Variants in RAPGEF4 observed in about 807,000 individuals in gnomAD.
RAPGEF4 encodes RAP guanine-nucleotide-exchange factor (GEF) 4.
In RAPGEF4, 66 loss-of-function variants were observed where a neutral mutation model predicts 147.9. That is an observed-to-expected ratio of 0.45 (90% confidence interval 0.37 to 0.55). The LOEUF (loss-of-function observed/expected upper bound fraction) is 0.55. Among genes scored for constraint, RAPGEF4 ranks in the 20% least tolerant of loss-of-function variants. The pLI, the probability that RAPGEF4 is intolerant of heterozygous loss-of-function variation, is 0.00. For synonymous variants in RAPGEF4, 419 were observed against 442.7 expected, an observed-to-expected ratio of 0.95 and a Z score of 0.67; for missense variants, 1,071 against 1,257.3, an observed-to-expected ratio of 0.85 and a Z score of 2.24.
At position 173,018,726 on chromosome 2, in the gene RAPGEF4, G is replaced by A. The variant is rs1288338283; in HGVS notation, c.2079G>A (p.Lys693=). 3.1e-6 allele frequency: 5 copies of A among 1,614,136 alleles called. No homozygotes were observed. The highest frequency in any genetic ancestry group is 4.5e-5 in the East Asian group (2 of 44,870). Residue 693 remains lysine, a synonymous_variant, in exon 22 of 31, where the codon AAG becomes AAA. Transcript: ENST00000397081. The part of the protein sequence containing the change: ...TIRVPVATSV[K]EVISAVADKL... ...GGGTGCCAGTGGCCACTTCGGTGAAGGAAGTCATCAGTGCAGTTGCCGACA... is the reference window on the plus strand; with the variant it reads ...GGGTGCCAGTGGCCACTTCGGTGAAAGAAGTCATCAGTGCAGTTGCCGACA...
In RAPGEF4 at chr2:172,988,250, T is replaced by C; in HGVS notation, c.1205T>C (p.Val402Ala). 1 of 1,612,100 alleles carries C rather than the reference T, an allele frequency of 6.2e-7. No individual in the cohort carries two copies. The highest frequency in any genetic ancestry group is 8.5e-7 in the Non-Finnish European group (1 of 1,179,568). Reference protein sequence around the residue: ...TSWYIILKGSVNVVIYGKGVV... With the variant: ...TSWYIILKGSANVVIYGKGVV... ...TGGTACATTATTCTAAAAGGATCAG[T>C]GAATGTAGTCATTTACGGCAAGGTA... The change falls in exon 13 of 31, where the codon GTG (valine) becomes GCG (alanine). Residue 402 changes from valine to alanine, a missense_variant. Physicochemically the swap from Val to Ala is moderately conservative, Grantham distance 64. Transcript: ENST00000397081.
chr2:172,837,219 A>G (rs760671291), intron 4 of RAPGEF4, among the ~76,000 whole-genome samples: 31 of 152,170 alleles, frequency 2.0e-4, no homozygotes, highest in Non-Finnish European at 3.8e-4. Context: ...AATGCTTGCT[A>G]TGGGCTTGTC....
intron 1 of RAPGEF4, among the ~76,000 whole-genome samples, chr2:172,794,726 T>C (rs775910843): frequency 1.3e-5 from 2 of 152,228 alleles, no homozygotes. Flanking sequence ...TTTTCATGTA[T>C]CTTGTGCTTC....
intron 1 of RAPGEF4, among the ~76,000 whole-genome samples, chr2:172,788,978 A>AT (rs1426411480): frequency 1.3e-5 from 2 of 152,172 alleles, no homozygotes; most frequent in Admixed American, 6.5e-5. Context: ...AGCTCACATC[A>AT]TTTTTGGCAG....
intron 4 of RAPGEF4, among the ~76,000 whole-genome samples, chr2:172,866,942 A>G (rs1248309381): frequency 6.6e-6 from 1 of 150,720 alleles, no homozygotes; most frequent in Non-Finnish European, 1.5e-5. Flanking sequence ...TTTCTATCTC[A>G]AAACTGCTCT....
At chr2:172,912,101 T>C (rs533102968) in intron 4 of RAPGEF4, among the ~76,000 whole-genome samples, 6 of 152,328 alleles carry the variant, frequency 3.9e-5, no homozygotes, top group African/African-American at 1.4e-4. Flanking sequence ...TTCTACCTTC[T>C]GAATCATGTT....
At chr2:172,897,159 ACAG>A (rs1158393727) in intron 4 of RAPGEF4, among the ~76,000 whole-genome samples, 4 of 152,232 alleles carry the variant, frequency 2.6e-5, no homozygotes, top group African/African-American at 7.2e-5. Flanking sequence ...TCTTTTTTTA[ACAG>A]CTTCATTGAA....
intron 4 of RAPGEF4, among the ~76,000 whole-genome samples, chr2:172,825,394 T>G (rs1021640507): frequency 1.3e-5 from 2 of 152,250 alleles, no homozygotes; most frequent in Non-Finnish European, 2.9e-5. Context: ...ATTGTAAATT[T>G]GAACAATTCT....
Position 172,965,678 on chromosome 2 carries a change from A to G in RAPGEF4, c.815A>G (p.Asn272Ser), listed in dbSNP as rs1473256229. The G allele has an allele frequency of 6.2e-7, 1 of 1,614,182 alleles. No individual in the cohort carries two copies. Among genetic ancestry groups the G allele is most frequent in the Admixed American group, 1.7e-5 (1 of 60,026 alleles). Residue 272 changes from asparagine (N) to serine (S), a missense_variant, in exon 9 of 31, where the codon AAC (asparagine) becomes AGC (serine). Coordinates refer to ENST00000397081, the MANE Select transcript of RAPGEF4 (RefSeq NM_007023.4). ...WQVLLEDGVL[N>S]HVDQEHHFQD... ...GTCCTGTTAGAAGATGGTGTTCTCA[A>G]CCACGGTAAGATGAGCCCCAGTCCC...
chr2:172,814,498 A>T (rs1322104079), intron 4 of RAPGEF4, 73 bp downstream of exon 4: 1 of 1,518,556 alleles, frequency 6.6e-7, no homozygotes. Flanking sequence ...GGATAATGGC[A>T]TTACAGTCAA....
At chr2:172,904,713 T>C (rs1386126109) in intron 4 of RAPGEF4, among the ~76,000 whole-genome samples, 2 of 152,030 alleles carry the variant, frequency 1.3e-5, no homozygotes, top group South Asian at 2.1e-4. Context: ...TTTAATTTTC[T>C]CTACCCGATA....
intron 4 of RAPGEF4, 122 bp downstream of exon 4, chr2:172,814,547 T>A: frequency 8.0e-7 from 1 of 1,245,712 alleles, no homozygotes; most frequent in Non-Finnish European, 1.1e-6. Context: ...AGATGGAATT[T>A]AATTTTCAAA....
intron 6 of RAPGEF4, among the ~76,000 whole-genome samples, chr2:172,959,228 C>A (rs1474714295): frequency 1.3e-5 from 2 of 152,232 alleles, no homozygotes; most frequent in African/African-American, 4.8e-5. Flanking sequence ...AGCAGGGCTG[C>A]GTTCATCTGG....
At chr2:173,024,207 T>TAGAAAGTGAACTGA (rs1483288512) in intron 23 of RAPGEF4, among the ~76,000 whole-genome samples, 4 of 51,016 alleles carry the variant, frequency 7.8e-5, no homozygotes, top group South Asian at 5.7e-4. Context: ...ACAGCACTTC[T>TAGAAAGTGAACTGA]TTTTTTTATT....
intron 1 of RAPGEF4, among the ~76,000 whole-genome samples, chr2:172,742,058 C>T (rs1206254898): frequency 1.3e-5 from 2 of 152,152 alleles, no homozygotes; most frequent in Admixed American, 6.5e-5. Context: ...ACGCGCTCCC[C>T]ACTCCCCCCA....
intron 3 of RAPGEF4, among the ~76,000 whole-genome samples, chr2:172,802,929 C>A (rs1030166348): frequency 6.6e-6 from 1 of 152,216 alleles, no homozygotes; most frequent in Non-Finnish European, 1.5e-5. Flanking sequence ...AAATGATCTC[C>A]TTTGACTCTA....
At chr2:172,822,409 G>A (rs890812690) in intron 4 of RAPGEF4, among the ~76,000 whole-genome samples, 1 of 152,186 alleles carries the variant, frequency 6.6e-6, no homozygotes, top group Non-Finnish European at 1.5e-5. Flanking sequence ...CAGGCCCCTG[G>A]AAGGTATTTT....
chr2:172,870,681 G>A (rs1364704477), intron 4 of RAPGEF4, among the ~76,000 whole-genome samples: 1 of 152,128 alleles, frequency 6.6e-6, no homozygotes, highest in Non-Finnish European at 1.5e-5. Context: ...TGACTATCAC[G>A]AGAGATATGC....
chr2:172,881,628 TCA>T (rs1381512749), intron 4 of RAPGEF4, among the ~76,000 whole-genome samples: 7 of 152,190 alleles, frequency 4.6e-5, no homozygotes, highest in African/African-American at 1.7e-4. Flanking sequence ...CTGTGTGAGC[TCA>T]GTTTCATCTT....
Sources: allele counts gnomAD v4.1 joint callset (sites outside exome capture counted in the v4.1 genomes callset), GRCh38; gene constraint gnomAD v4.1.1; transcripts MANE v1.5; gene names NCBI Gene and HGNC (gene_info 2026-07-23, HGNC 2026-07-21).